NAA15: variants seen among roughly 807,000 people sequenced by gnomAD.
The protein encoded by NAA15 is N-alpha-acetyltransferase 15, NatA auxiliary subunit.
Under a neutral mutation model 114.0 loss-of-function variants are expected in NAA15, and 34 were observed. The ratio of observed to expected loss-of-function variants is 0.30; its 90% CI spans 0.23 to 0.40. The LOEUF (loss-of-function observed/expected upper bound fraction) is 0.40. Ranked by LOEUF, NAA15 falls within the 10% of genes least tolerant of loss-of-function variation. The pLI is 1.00. For synonymous variants in NAA15, 340 were observed against 338.0 expected, an observed-to-expected ratio of 1.01 and a Z score of -0.06; for missense variants, 658 against 1,004.5, an observed-to-expected ratio of 0.66 and a Z score of 4.66.
At chr4:139,380,397 ACT>A (rs1229050870) in intron 17 of NAA15, among the ~76,000 whole-genome samples, 1 of 152,226 alleles carries the variant, frequency 6.6e-6, no homozygotes, top group African/African-American at 2.4e-5. Flanking sequence ...TAACATACAC[ACT>A]GTTATATACT....
At chr4:139,356,241 A>T (rs987511660) in intron 10 of NAA15, among the ~76,000 whole-genome samples, 2 of 152,144 alleles carry the variant, frequency 1.3e-5, no homozygotes, top group African/African-American at 4.8e-5. Context: ...TTTACATACC[A>T]TAGTAGTAGT....
chr4:139,309,144 T>TA (rs2110829235), intron 1 of NAA15, among the ~76,000 whole-genome samples: 1 of 151,204 alleles, frequency 6.6e-6, no homozygotes, highest in Admixed American at 6.6e-5. Flanking sequence ...GGTCAGGAGT[T>TA]AGAGACCAGC....
chr4:139,385,550 T>C (rs1748889441), intron 18 of NAA15, among the ~76,000 whole-genome samples: 1 of 152,110 alleles, frequency 6.6e-6, no homozygotes, highest in South Asian at 2.1e-4. Context: ...TATGTAGGTA[T>C]CAGAGTTGAC....
chr4:139,342,792 C>T, intron 4 of NAA15, 34 bp from the exon 5 acceptor site: 1 of 1,595,444 alleles, frequency 6.3e-7, no homozygotes, highest in Non-Finnish European at 8.5e-7. Flanking sequence ...TACTAAAAGC[C>T]TAAGAAAAAG....
chr4:139,359,955 T>C, intron 12 of NAA15, 60 bp downstream of exon 12: 1 of 1,427,416 alleles, frequency 7.0e-7, no homozygotes, highest in African/African-American at 1.5e-5. Flanking sequence ...TTCATACTTG[T>C]ATAACATGCT....
rs1746358216 is a variant in NAA15 at position 139,315,048 on chromosome 4, TAGG to T, written c.54+13218_54+13220del. Reference sequence around the variant, plus strand: ...TAGGTTAGGTTAGGTTAGGTTAGGTTAGGTTAGTTTAGTTTAGTTTAGTTTAGT... The same window carrying T: ...TAGGTTAGGTTAGGTTAGGTTAGGTTTTAGTTTAGTTTAGTTTAGTTTAGT... On this transcript the variant is annotated intron_variant, in intron 1 of 19. Transcript: ENST00000296543. Among the ~76,000 whole-genome samples the T allele has an allele frequency of 2.8e-5, 3 of 108,364 alleles. 1 individual carries two copies. The highest frequency in any genetic ancestry group is 4.0e-5 in the African/African-American group (1 of 25,078). 71.1% of individuals were successfully genotyped at this position (108,364 alleles called of 152,430 possible). A position where few individuals can be genotyped will look rare whatever the true frequency, so the allele number is the denominator to read the frequency against.
chr4:139,385,088 G>A, intron 18 of NAA15, 110 bp downstream of exon 18: 2 of 916,868 alleles, frequency 2.2e-6, no homozygotes, highest in Non-Finnish European at 3.0e-6. Context: ...GTGTGTATAT[G>A]TTACATTGTG....
chr4:139,349,481 A>G lies in NAA15; in HGVS notation c.711A>G (p.Leu237=), dbSNP rs34054452. The change falls in exon 7 of 20, where the codon CTA becomes CTG. Residue 237 remains leucine (L), a synonymous_variant. Coordinates refer to ENST00000296543, the MANE Select transcript of NAA15 (RefSeq NM_057175.5). ...AATCAGGGGAACTTCTGTTGCAACT[A>G]TGTCGTTTGGAAGATGCTGCAGATG... The part of the protein sequence containing the change: ...EETKGELLLQ[L]CRLEDAADVY... 2,299 of 1,599,964 alleles carry G rather than the reference A, an allele frequency of 1.4e-3. 31 individuals are homozygous for G. In the African/African-American group the frequency reaches 0.027, roughly 19 times the overall value.
At chr4:139,348,859 A>G (rs1747686619) in intron 6 of NAA15, among the ~76,000 whole-genome samples, 1 of 152,248 alleles carries the variant, frequency 6.6e-6, no homozygotes, top group Non-Finnish European at 1.5e-5. Context: ...CATGCAGTCC[A>G]GGGAAGGCAA....
At chr4:139,305,722 T>C (rs1745990157) in intron 1 of NAA15, among the ~76,000 whole-genome samples, 1 of 152,078 alleles carries the variant, frequency 6.6e-6, no homozygotes, top group African/African-American at 2.4e-5. Flanking sequence ...TTAGTAGAGA[T>C]GGGGTTTCTC....
chr4:139,389,839 T>A lies in NAA15; in HGVS notation c.*1755T>A, dbSNP rs889238968. ...CATAGTACATGACCTGCATTCCACA[T>A]CTCAGTCTAACAGTTTAGTAGTGAT... On this transcript the variant is annotated 3_prime_UTR_variant, in exon 20 of 20. Coordinates refer to ENST00000296543, the MANE Select transcript of NAA15 (RefSeq NM_057175.5). 5 of 152,652 alleles carry A rather than the reference T, an allele frequency of 3.3e-5. No individual in the cohort carries two copies. The highest frequency in any genetic ancestry group is 1.2e-4 in the African/African-American group (5 of 41,456). 9.5% of individuals were successfully genotyped at this position (152,652 alleles called of 1,614,324 possible).
At chr4:139,363,210 C>T (rs1560975126) in intron 14 of NAA15, among the ~76,000 whole-genome samples, 1 of 151,928 alleles carries the variant, frequency 6.6e-6, no homozygotes, top group Non-Finnish European at 1.5e-5. Flanking sequence ...TATTCTTCTG[C>T]CTCCCTCCTT....
chr4:139,329,763 A>G (rs936481544), intron 1 of NAA15, among the ~76,000 whole-genome samples: 2 of 152,178 alleles, frequency 1.3e-5, no homozygotes, highest in Admixed American at 1.3e-4. Context: ...TCAACAACAG[A>G]CACATGGGGA....
chr4:139,326,007 T>C (rs1402337166), intron 1 of NAA15, among the ~76,000 whole-genome samples: 5 of 152,210 alleles, frequency 3.3e-5, no homozygotes, highest in African/African-American at 1.2e-4. Context: ...ATTCCATAAG[T>C]TTTGGATGAA....
chr4:139,382,570 T>C (rs1748784231), intron 17 of NAA15, among the ~76,000 whole-genome samples: 1 of 152,170 alleles, frequency 6.6e-6, no homozygotes, highest in Admixed American at 6.5e-5. Flanking sequence ...ATAATTTTTA[T>C]TGTACAGAAG....
At chr4:139,316,877 T>G (rs993664405) in intron 1 of NAA15, among the ~76,000 whole-genome samples, 2 of 150,058 alleles carry the variant, frequency 1.3e-5, no homozygotes, top group African/African-American at 4.9e-5. Context: ...CTTGTTTTAG[T>G]AGGCCATCTA....
At chr4:139,361,500 A>G (rs1231294160) in intron 13 of NAA15, among the ~76,000 whole-genome samples, 1 of 152,172 alleles carries the variant, frequency 6.6e-6, no homozygotes, top group Non-Finnish European at 1.5e-5. Flanking sequence ...TTTTTCAACA[A>G]ATGATTCTGT....
At chr4:139,318,847 C>CA (rs112126190) in intron 1 of NAA15, among the ~76,000 whole-genome samples, 9,629 of 133,546 alleles carry the variant, frequency 0.072, 327 homozygotes, top group East Asian at 0.11. Context: ...GACCCCATCT[C>CA]AAAAAAAAAA....
rs191282440 is a variant in NAA15 at position 139,388,332 on chromosome 4, A to T, written c.*248A>T. ...ATTGAGTGGTTAAAAAAGATACCTTATCCTATTCCTCCCCACCCACCCATG... is the reference window on the plus strand; with the variant it reads ...ATTGAGTGGTTAAAAAAGATACCTTTTCCTATTCCTCCCCACCCACCCATG... On this transcript the variant is annotated 3_prime_UTR_variant, in exon 20 of 20. Transcript: ENST00000296543. 3.4e-4 allele frequency: 102 copies of T among 296,330 alleles called. No individual in the cohort carries two copies. The East Asian group carries it at 6.5e-3, about 19-fold the overall frequency. 18.4% of individuals were successfully genotyped at this position (296,330 alleles called of 1,614,324 possible).
Sources: gnomAD v4.1 joint callset for allele counts (sites outside exome capture counted in the v4.1 genomes callset) on GRCh38, gnomAD v4.1.1 for gene constraint, MANE v1.5 for transcripts, NCBI Gene and HGNC (gene_info 2026-07-23, HGNC 2026-07-21) for gene names.